TSPAN14: variants seen among roughly 807,000 people sequenced by gnomAD.
TSPAN14 encodes tetraspanin-14.
In TSPAN14, 16 loss-of-function variants were observed where a neutral mutation model predicts 36.6. That is an observed-to-expected ratio of 0.44 (90% confidence interval 0.30 to 0.66). TSPAN14 has a LOEUF of 0.66. Among genes scored for constraint, TSPAN14 ranks in the 30% least tolerant of loss-of-function variants. TSPAN14 has a pLI of 0.12. For synonymous variants in TSPAN14, 139 were observed against 143.8 expected (o/e 0.97, Z 0.24); for missense variants, 231 against 355.1 (o/e 0.65, Z 2.81).
intron 1 of TSPAN14, among the ~76,000 whole-genome samples, chr10:80,462,247 C>T (rs893373372): frequency 2.0e-5 from 3 of 152,088 alleles, no homozygotes; most frequent in African/African-American, 7.2e-5. Flanking sequence ...ATACCCATTC[C>T]CCCTCTCTGG....
At chr10:80,480,235 G>A (rs1847177552) in intron 1 of TSPAN14, among the ~76,000 whole-genome samples, 2 of 151,018 alleles carry the variant, frequency 1.3e-5, no homozygotes, top group Non-Finnish European at 2.9e-5. Context: ...CATGTCATCT[G>A]CAAACAGGGA....
chr10:80,468,851 T>A (rs1039629062), intron 1 of TSPAN14, among the ~76,000 whole-genome samples: 2 of 151,842 alleles, frequency 1.3e-5, no homozygotes, highest in African/African-American at 2.4e-5. Context: ...CAAGCCACCA[T>A]GCCCGGCCTG....
At chr10:80,512,978 A>G (rs547021841) in intron 6 of TSPAN14, among the ~76,000 whole-genome samples, 4 of 152,138 alleles carry the variant, frequency 2.6e-5, no homozygotes, top group Non-Finnish European at 5.9e-5. Flanking sequence ...TCACTGTACA[A>G]CCATTGCTTC....
Position 80,512,278 on chromosome 10 carries a change from G to T in TSPAN14, c.576+9G>T. ...GCGTGCCAGATCCTGCGGTGAGTTG[G>T]CTTGTGCTGGGGCACAGGGAGCCCG... On this transcript the variant is annotated intron_variant, in intron 6 of 8. Transcript: ENST00000429989. 6.2e-7 allele frequency: 1 copy of T among 1,613,412 alleles called. No homozygotes were observed. Among genetic ancestry groups the T allele is most frequent in the Non-Finnish European group, 8.5e-7 (1 of 1,179,966 alleles).
chr10:80,498,979 G>A (rs1237088142), intron 2 of TSPAN14, among the ~76,000 whole-genome samples: 5 of 152,196 alleles, frequency 3.3e-5, no homozygotes, highest in East Asian at 1.9e-4. Context: ...TGCAAGACCC[G>A]GAGGCCAGCA....
At chr10:80,512,295 G>A (rs1038174538) in intron 6 of TSPAN14, 26 bp downstream of exon 6, 2 of 1,612,296 alleles carry the variant, frequency 1.2e-6, no homozygotes, top group Non-Finnish European at 1.7e-6. Flanking sequence ...CTGGGGCACA[G>A]GGAGCCCGCC....
At chr10:80,507,166 A>G in intron 3 of TSPAN14, 62 bp from the exon 4 acceptor site, 1 of 1,603,546 alleles carries the variant, frequency 6.2e-7, no homozygotes. Flanking sequence ...TGCATCCCCC[A>G]GGGCAGCATC....
intron 2 of TSPAN14, among the ~76,000 whole-genome samples, chr10:80,497,326 G>A (rs1317796562): frequency 6.6e-6 from 1 of 152,152 alleles, no homozygotes; most frequent in Admixed American, 6.6e-5. Flanking sequence ...TGGTTTTAGT[G>A]TGATAGTTTA....
intron 2 of TSPAN14, among the ~76,000 whole-genome samples, chr10:80,500,806 G>A (rs761736424): frequency 7.9e-5 from 12 of 152,238 alleles, no homozygotes; most frequent in African/African-American, 2.2e-4. Context: ...TATGCAGAGC[G>A]GTAAGCGGCC....
intron 2 of TSPAN14, 54 bp downstream of exon 2, chr10:80,489,368 T>A: frequency 8.0e-7 from 1 of 1,251,702 alleles, no homozygotes; most frequent in Non-Finnish European, 1.1e-6. Context: ...TTCAGTAAAT[T>A]ATGGTTTTCC....
rs1564745321 is a variant in TSPAN14, at chr10:80,511,768, CT to C, written c.451-375del. On this transcript the variant is annotated intron_variant, in intron 5 of 8. Coordinates refer to ENST00000429989, the Ensembl canonical transcript of TSPAN14. Reference sequence around the variant, plus strand: ...TCTCTCTCTCTCTCTCTCTCTCTCTCTCTCCCCTTTTTTCTTTCTCTCCTTT... The same window carrying C: ...TCTCTCTCTCTCTCTCTCTCTCTCTCCTCCCCTTTTTTCTTTCTCTCCTTT... Among the ~76,000 whole-genome samples the C allele has an allele frequency of 1.6e-4, 19 of 118,712 alleles. 1 individual carries two copies. Among genetic ancestry groups the C allele is most frequent in the African/African-American group, 3.4e-4 (10 of 29,274 alleles). 77.9% of individuals were successfully genotyped at this position (118,712 alleles called of 152,430 possible).
At chr10:80,498,466 C>T (rs549120837) in intron 2 of TSPAN14, among the ~76,000 whole-genome samples, 2 of 152,294 alleles carry the variant, frequency 1.3e-5, no homozygotes, top group South Asian at 4.1e-4. Context: ...TCCTTTCCTA[C>T]CTCACTTGAA....
intron 2 of TSPAN14, among the ~76,000 whole-genome samples, chr10:80,501,105 G>GTTTTTTTTTTTTTTTTTTTTTTT (rs10713598): frequency 7.1e-6 from 1 of 140,004 alleles, no homozygotes; most frequent in Non-Finnish European, 1.6e-5. Context: ...AACTGACGCT[G>GTTTTTTTTTTTTTTTTTTTTTTT]TTTTTTTTTT....
intron 1 of TSPAN14, among the ~76,000 whole-genome samples, chr10:80,475,911 C>T (rs1237371664): frequency 6.6e-6 from 1 of 152,126 alleles, no homozygotes; most frequent in African/African-American, 2.4e-5. Context: ...ACAGTCATCC[C>T]TCCACTGTCC....
intron 6 of TSPAN14, 129 bp downstream of exon 6, chr10:80,512,398 A>G: frequency 7.4e-7 from 1 of 1,342,904 alleles, no homozygotes. Context: ...CTTTCTCCAC[A>G]CCCTCCTCAA....
rs866172782 is a variant in TSPAN14, at chr10:80,517,904, G to A, written c.742-1G>A. On this transcript the variant is annotated splice_acceptor_variant, in intron 8 of 8. Coordinates refer to ENST00000429989, the Ensembl canonical transcript of TSPAN14. LOFTEE classifies it high-confidence loss of function. Reference sequence around the variant, plus strand: ...GCTGACTCTGCTGGTGTTGGTTTCAGATATTTGGCATCTTCCTGGCAAGGA... The same window carrying A: ...GCTGACTCTGCTGGTGTTGGTTTCAAATATTTGGCATCTTCCTGGCAAGGA... 6.4e-7 allele frequency: 1 copy of A among 1,562,844 alleles called. No homozygotes were observed. The highest frequency in any genetic ancestry group is 8.7e-7 in the Non-Finnish European group (1 of 1,152,246).
chr10:80,494,874 A>G (rs754236126), intron 2 of TSPAN14, among the ~76,000 whole-genome samples: 2 of 152,208 alleles, frequency 1.3e-5, no homozygotes, highest in South Asian at 2.1e-4. Context: ...GTGGAAATTC[A>G]TAAAGGCTAA....
At chr10:80,461,926 T>C (rs1191747707) in intron 1 of TSPAN14, among the ~76,000 whole-genome samples, 1 of 150,232 alleles carries the variant, frequency 6.7e-6, no homozygotes, top group Non-Finnish European at 1.5e-5. Context: ...TTTTTTTTTT[T>C]TCCTTCAGAC....
chr10:80,499,643 C>A (rs181585018), intron 2 of TSPAN14, among the ~76,000 whole-genome samples: 153 of 152,304 alleles, frequency 1.0e-3, no homozygotes, highest in Non-Finnish European at 1.9e-3. Flanking sequence ...GCCGTGTGAC[C>A]TTGGGCAAAG....
Sources: gnomAD v4.1 joint callset for allele counts (sites outside exome capture counted in the v4.1 genomes callset) on GRCh38, gnomAD v4.1.1 for gene constraint, MANE v1.5 for transcripts, NCBI Gene and HGNC (gene_info 2026-07-23, HGNC 2026-07-21) for gene names.